GMDS: variants seen among roughly 807,000 people sequenced by gnomAD.
GMDS encodes the protein GDP-mannose 4,6 dehydratase.
GMDS carries 20 observed loss-of-function variants against 49.9 expected under a neutral mutation model. That is an observed-to-expected ratio of 0.40 (90% CI 0.28 to 0.58). GMDS has a LOEUF of 0.58. Ranked by LOEUF, GMDS falls within the 20% of genes least tolerant of loss-of-function variation. GMDS has a pLI of 0.42. For synonymous variants in GMDS, 177 were observed against 178.6 expected, an observed-to-expected ratio of 0.99 and a Z score of 0.07; for missense variants, 362 against 481.4, an observed-to-expected ratio of 0.75 and a Z score of 2.32.
intron 9 of GMDS, among the ~76,000 whole-genome samples, chr6:1,691,210 G>A: frequency 6.6e-6 from 1 of 152,122 alleles, no homozygotes; most frequent in East Asian, 1.9e-4. Context: ...TCCTTTGCAG[G>A]GACATCGATG....
At chr6:1,996,851 C>T (rs1766313404) in intron 4 of GMDS, among the ~76,000 whole-genome samples, 2 of 152,172 alleles carry the variant, frequency 1.3e-5, no homozygotes, top group African/African-American at 2.4e-5. Flanking sequence ...AATTCCACTA[C>T]TCAGAAGAGA....
Position 2,192,247 on chromosome 6 carries a change from A to T in GMDS, c.102+53074T>A, listed in dbSNP as rs1022430833. Among the ~76,000 whole-genome samples the T allele has an allele frequency of 1.7e-4, 26 of 152,014 alleles. 1 individual carries two copies. The highest frequency in any genetic ancestry group is 6.0e-4 in the African/African-American group (25 of 41,378). On this transcript the variant is annotated intron_variant, in intron 1 of 10. Transcript: ENST00000380815. ...GAGAGGAGCTACCCTCTCTGCTAGG[A>T]GCTGAACACTCATCGGGACACCCTG...
intron 7 of GMDS, among the ~76,000 whole-genome samples, chr6:1,852,926 G>A (rs756923944): frequency 6.6e-6 from 1 of 151,806 alleles, no homozygotes; most frequent in Admixed American, 6.6e-5. Context: ...GGCTGGTCTC[G>A]AACTCCCGAC....
intron 1 of GMDS, among the ~76,000 whole-genome samples, chr6:2,131,843 C>T (rs1293582018): frequency 6.7e-6 from 1 of 150,324 alleles, no homozygotes; most frequent in East Asian, 1.9e-4. Flanking sequence ...TTATTTGAAC[C>T]TCTATTTTCC....
At chr6:1,982,108 C>T (rs926958144) in intron 4 of GMDS, among the ~76,000 whole-genome samples, 2 of 152,074 alleles carry the variant, frequency 1.3e-5, no homozygotes, top group African/African-American at 4.8e-5. Context: ...AGTCCCAAGA[C>T]CAGCCTGGCT....
chr6:2,084,031 A>G (rs1295882501), intron 4 of GMDS, among the ~76,000 whole-genome samples: 3 of 152,198 alleles, frequency 2.0e-5, no homozygotes, highest in African/African-American at 2.4e-5. Context: ...AAATTAACAA[A>G]TACTTAATCA....
At chr6:2,233,747 T>TG (rs1223041264) in intron 1 of GMDS, among the ~76,000 whole-genome samples, 2 of 152,044 alleles carry the variant, frequency 1.3e-5, no homozygotes, top group South Asian at 2.1e-4. Flanking sequence ...TTGATCCCGG[T>TG]GGGGGGCGCC....
In GMDS at chr6:2,113,500, C is replaced by T. The variant is rs185217029; in HGVS notation, c.345+2271G>A. Among the ~76,000 whole-genome samples, 5 of 151,976 alleles carry T rather than the reference C, an allele frequency of 3.3e-5. No homozygotes were observed. In the East Asian group the frequency reaches 7.7e-4, roughly 24 times the overall value. ...GGTTCTGCTCAGCTCATCTCGAATG[C>T]TCATGATGCTGCAAACATGTACCAA... is the stretch of plus-strand genomic sequence containing the variant. On this transcript the variant is annotated intron_variant, in intron 4 of 10. Coordinates refer to ENST00000380815, the MANE Select transcript of GMDS (RefSeq NM_001500.4).
intron 7 of GMDS, among the ~76,000 whole-genome samples, chr6:1,823,606 A>G (rs990516339): frequency 6.6e-6 from 1 of 152,036 alleles, no homozygotes; most frequent in South Asian, 2.1e-4. Flanking sequence ...TGGCACCTGA[A>G]GTTTAGCATT....
intron 1 of GMDS, among the ~76,000 whole-genome samples, chr6:2,128,284 C>T (rs909033383): frequency 4.0e-5 from 6 of 151,826 alleles, no homozygotes; most frequent in Non-Finnish European, 8.8e-5. Context: ...CAGTGATTCT[C>T]CTGCCTGAGC....
At chr6:2,045,950 C>T (rs1009250844) in intron 4 of GMDS, among the ~76,000 whole-genome samples, 1 of 152,162 alleles carries the variant, frequency 6.6e-6, no homozygotes, top group Non-Finnish European at 1.5e-5. Context: ...GTGGCTTACA[C>T]CTGTAATCCC....
chr6:2,223,714 T>C (rs972360800), intron 1 of GMDS, among the ~76,000 whole-genome samples: 3 of 151,862 alleles, frequency 2.0e-5, no homozygotes, highest in Non-Finnish European at 4.4e-5. Context: ...TGCTTTGAAA[T>C]AGGGTGGGGA....
chr6:1,999,954 G>T (rs867958620), intron 4 of GMDS, among the ~76,000 whole-genome samples: 8 of 12,280 alleles, frequency 6.5e-4, no homozygotes, highest in Non-Finnish European at 6.9e-4. Flanking sequence ...TATATAATAT[G>T]TATATTATAT....
chr6:1,999,972 ATATATATATTTTATATATATATAT>A (rs1408105136), intron 4 of GMDS, among the ~76,000 whole-genome samples: 1,725 of 30,282 alleles, frequency 0.057, 298 homozygotes, highest in Non-Finnish European at 0.078. Context: ...TATATATATT[ATATATATATTTTATATATATATAT>A]TATATATATA....
At chr6:2,073,439 T>C (rs1012716793) in intron 4 of GMDS, among the ~76,000 whole-genome samples, 2 of 152,232 alleles carry the variant, frequency 1.3e-5, no homozygotes, top group Non-Finnish European at 2.9e-5. Context: ...GAATGTGTAA[T>C]GATCAAGTTA....
At chr6:2,064,282 T>C (rs1001810093) in intron 4 of GMDS, among the ~76,000 whole-genome samples, 2 of 152,200 alleles carry the variant, frequency 1.3e-5, no homozygotes, top group Non-Finnish European at 2.9e-5. Flanking sequence ...AAATTATACA[T>C]GTAATTACTA....
chr6:1,665,748 C>T (rs1365481708), intron 9 of GMDS, among the ~76,000 whole-genome samples: 1 of 152,140 alleles, frequency 6.6e-6, no homozygotes, highest in African/African-American at 2.4e-5. Context: ...GGAGGATACA[C>T]GTGTGCCTTG....
intron 7 of GMDS, among the ~76,000 whole-genome samples, chr6:1,777,375 T>C (rs1443828613): frequency 1.3e-5 from 2 of 152,278 alleles, no homozygotes; most frequent in East Asian, 3.8e-4. Context: ...ATGTGGCAAT[T>C]CTAGAAAGAA....
At chr6:1,756,324 C>A (rs566039523) in intron 7 of GMDS, among the ~76,000 whole-genome samples, 1 of 148,516 alleles carries the variant, frequency 6.7e-6, no homozygotes, top group Non-Finnish European at 1.5e-5. Flanking sequence ...AGTACAATGG[C>A]GCAATCTCAG....
Sources: gnomAD v4.1 joint callset for allele counts (sites outside exome capture counted in the v4.1 genomes callset) on GRCh38, gnomAD v4.1.1 for gene constraint, MANE v1.5 for transcripts, NCBI Gene and HGNC (gene_info 2026-07-23, HGNC 2026-07-21) for gene names.